The following DPF3 variants were observed in gnomAD, a reference collection of about 807,000 sequenced individuals.
The protein encoded by DPF3 is double PHD fingers 3, also known as zinc finger protein DPF3.
A neutral mutation model predicts 56.8 loss-of-function variants in DPF3; 18 were observed. The ratio of observed to expected loss-of-function variants is 0.32; its 90% CI spans 0.22 to 0.47. DPF3 has a LOEUF of 0.47. Ranked by LOEUF, DPF3 falls within the 20% of genes least tolerant of loss-of-function variation. DPF3 has a pLI of 1.00. For missense variants in DPF3, 403 were observed against 488.8 expected, an observed-to-expected ratio of 0.82 and a Z score of 1.65; for synonymous variants, 188 against 180.2, an observed-to-expected ratio of 1.04 and a Z score of -0.35.
chr14:72,637,587 A>G (rs146219906), intron 8 of DPF3, among the ~76,000 whole-genome samples: 106 of 152,354 alleles, frequency 7.0e-4, no homozygotes, highest in African/African-American at 2.5e-3. Flanking sequence ...GAGATATATT[A>G]CAGCACCTGA....
chr14:72,892,557 C>T, intron 1 of DPF3: 1 of 1,342,282 alleles, frequency 7.4e-7, no homozygotes, highest in Non-Finnish European at 9.5e-7. Flanking sequence ...TCCGATTCTC[C>T]CTGTGCATTC....
chr14:72,668,366 T>C (rs148300744), intron 8 of DPF3, among the ~76,000 whole-genome samples: 1 of 152,238 alleles, frequency 6.6e-6, no homozygotes, highest in African/African-American at 2.4e-5. Context: ...TTTAAGGGTA[T>C]AAATCTTGAG....
At chr14:72,688,580 C>G (rs992437450) in intron 7 of DPF3, among the ~76,000 whole-genome samples, 7 of 152,296 alleles carry the variant, frequency 4.6e-5, no homozygotes, top group East Asian at 1.9e-4. Context: ...TACTCTACCC[C>G]ACTGGGGCTC....
At chr14:72,664,513 C>T (rs1043374937) in intron 8 of DPF3, among the ~76,000 whole-genome samples, 8 of 152,098 alleles carry the variant, frequency 5.3e-5, no homozygotes, top group African/African-American at 1.9e-4. Flanking sequence ...TGCTCTCAAT[C>T]CCCTGCAAGA....
At chr14:72,707,386 C>T (rs966171808) in intron 6 of DPF3, among the ~76,000 whole-genome samples, 2 of 151,966 alleles carry the variant, frequency 1.3e-5, no homozygotes, top group African/African-American at 4.8e-5. Flanking sequence ...GTTCTAGATC[C>T]CTGAGGAATC....
chr14:72,817,885 C>T (rs1393680212), intron 1 of DPF3, among the ~76,000 whole-genome samples: 1 of 152,120 alleles, frequency 6.6e-6, no homozygotes, highest in Non-Finnish European at 1.5e-5. Flanking sequence ...AGTAAACATA[C>T]CCTTTACTTC....
intron 8 of DPF3, among the ~76,000 whole-genome samples, chr14:72,641,264 GCTT>G (rs1443878848): frequency 2.0e-5 from 3 of 152,216 alleles, no homozygotes; most frequent in Non-Finnish European, 2.9e-5. Flanking sequence ...CTCACAACAT[GCTT>G]CTTCTGCCGC....
At chr14:72,627,554 G>A (rs1018923573) in intron 9 of DPF3, among the ~76,000 whole-genome samples, 9 of 151,958 alleles carry the variant, frequency 5.9e-5, no homozygotes, top group African/African-American at 1.9e-4. Context: ...ATCTATAGAG[G>A]CTTTACAGTA....
intron 7 of DPF3, among the ~76,000 whole-genome samples, chr14:72,683,672 C>A (rs143403893): frequency 3.3e-4 from 50 of 152,202 alleles, no homozygotes; most frequent in African/African-American, 1.2e-3. Flanking sequence ...GGAGGTGAGT[C>A]GGAGAGGTGG....
intron 6 of DPF3, among the ~76,000 whole-genome samples, chr14:72,713,090 G>A (rs965969233): frequency 1.3e-5 from 2 of 152,200 alleles, no homozygotes; most frequent in African/African-American, 4.8e-5. Flanking sequence ...GAAACTGAAC[G>A]CCATGTAGGA....
intron 1 of DPF3, among the ~76,000 whole-genome samples, chr14:72,837,031 G>T (rs779389644): frequency 3.9e-5 from 6 of 151,946 alleles, no homozygotes; most frequent in Non-Finnish European, 5.9e-5. Flanking sequence ...CACCACACCT[G>T]GCTAATTTTT....
intron 8 of DPF3, chr14:72,671,161 G>C: frequency 6.2e-7 from 1 of 1,613,952 alleles, no homozygotes. Context: ...TTTATCTGCT[G>C]TGGGCGAACC....
intron 1 of DPF3, chr14:72,879,898 G>A (rs540404360): frequency 3.7e-5 from 56 of 1,524,154 alleles, no homozygotes; most frequent in African/African-American, 1.1e-4. Flanking sequence ...ATCTATATGC[G>A]TGTTTTCCGG....
intron 1 of DPF3, among the ~76,000 whole-genome samples, chr14:72,884,971 T>TATATATACATATATATATATATATA (rs10523148): frequency 1.3e-4 from 14 of 111,676 alleles, no homozygotes; most frequent in Admixed American, 2.9e-4. Flanking sequence ...TATATATATA[T>TATATATACATATATATATATATATA]TAGCCGGGCG....
At chr14:72,621,096 G>A (rs1053217784) in intron 9 of DPF3, among the ~76,000 whole-genome samples, 35 of 148,894 alleles carry the variant, frequency 2.4e-4, no homozygotes, top group East Asian at 7.9e-4. Context: ...AGCCAAGATC[G>A]CACCACTGCA....
At chr14:72,674,603 T>C (rs1886830311) in intron 7 of DPF3, among the ~76,000 whole-genome samples, 1 of 152,218 alleles carries the variant, frequency 6.6e-6, no homozygotes, top group African/African-American at 2.4e-5. Flanking sequence ...CTCTGTGTTG[T>C]TGCAGAAATC....
chr14:72,652,878 G>C lies in DPF3; in HGVS notation c.871+21362C>G, dbSNP rs189540482. Among the ~76,000 whole-genome samples, 6 of 152,306 alleles carry C rather than the reference G, an allele frequency of 3.9e-5. No individual in the cohort carries two copies. In the East Asian group the frequency reaches 9.7e-4, roughly 25 times the overall value. ...AGACCACGCTGTACAAGGCCCAGGT[G>C]CTGTATAGATGATGCAGAGGTGGGT... On this transcript the variant is annotated intron_variant, in intron 8 of 10. Transcript: ENST00000556509.
intron 2 of DPF3, among the ~76,000 whole-genome samples, chr14:72,755,802 G>A (rs1170093204): frequency 2.0e-5 from 3 of 152,082 alleles, no homozygotes; most frequent in Non-Finnish European, 4.4e-5. Flanking sequence ...GCAAATGGTC[G>A]CAAGAGCTCT....
intron 2 of DPF3, among the ~76,000 whole-genome samples, chr14:72,761,432 C>T (rs1406659686): frequency 6.6e-6 from 1 of 151,986 alleles, no homozygotes; most frequent in Non-Finnish European, 1.5e-5. Flanking sequence ...GGAAACGTCC[C>T]AAGTGTTTGG....
Sources: gnomAD v4.1 joint callset for allele counts (sites outside exome capture counted in the v4.1 genomes callset) on GRCh38, gnomAD v4.1.1 for gene constraint, MANE v1.5 for transcripts, NCBI Gene and HGNC (gene_info 2026-07-23, HGNC 2026-07-21) for gene names.